Variants in OPCML observed in about 807,000 individuals in gnomAD.
OPCML encodes the protein opioid-binding protein/cell adhesion molecule.
A neutral mutation model predicts 37.8 loss-of-function variants in OPCML; 13 were observed. The ratio of observed to expected loss-of-function variants is 0.34; its 90% CI spans 0.22 to 0.55. The LOEUF is 0.55. Among genes scored for constraint, OPCML ranks in the 20% least tolerant of loss-of-function variants. The pLI is 0.91. For synonymous variants in OPCML, 176 were observed against 168.8 expected (o/e 1.04, Z -0.33); for missense variants, 341 against 435.6 (o/e 0.78, Z 1.93).
At chr11:133,050,504 G>C (rs1224776462) in intron 1 of OPCML, among the ~76,000 whole-genome samples, 1 of 152,092 alleles carries the variant, frequency 6.6e-6, no homozygotes, top group Non-Finnish European at 1.5e-5. Context: ...TGGGGGAGTG[G>C]TCTGATGAAA....
At chr11:133,033,823 T>G (rs1947716695) in intron 1 of OPCML, among the ~76,000 whole-genome samples, 1 of 152,228 alleles carries the variant, frequency 6.6e-6, no homozygotes, top group African/African-American at 2.4e-5. Context: ...TTTCTAATTA[T>G]GTGGTCACGG....
chr11:133,253,705 G>A (rs918272365), intron 1 of OPCML, among the ~76,000 whole-genome samples: 2 of 152,122 alleles, frequency 1.3e-5, no homozygotes, highest in African/African-American at 2.4e-5. Context: ...AAATGAATAA[G>A]CAAATAAACA....
chr11:133,178,141 A>G (rs1348608293), intron 1 of OPCML, among the ~76,000 whole-genome samples: 1 of 152,222 alleles, frequency 6.6e-6, no homozygotes, highest in African/African-American at 2.4e-5. Flanking sequence ...ACCAACACAC[A>G]AAGGCCATGC....
At chr11:133,001,414 T>G (rs73588513) in intron 1 of OPCML, among the ~76,000 whole-genome samples, 5,048 of 152,192 alleles carry the variant, frequency 0.033, 292 homozygotes, top group African/African-American at 0.12. Flanking sequence ...TCTCAGCAAA[T>G]GATAAAGAAG....
chr11:133,425,522 T>C (rs1019480602), intron 1 of OPCML, among the ~76,000 whole-genome samples: 5 of 152,188 alleles, frequency 3.3e-5, no homozygotes, highest in African/African-American at 4.8e-5. Context: ...AATTGCCAAA[T>C]GTTACATCTT....
At chr11:132,818,143 A>G (rs140046142) in intron 2 of OPCML, among the ~76,000 whole-genome samples, 93 of 152,310 alleles carry the variant, frequency 6.1e-4, no homozygotes, top group African/African-American at 2.1e-3. Context: ...GGGTCCAACC[A>G]TTCACAGATG....
At chr11:133,191,502 T>TGGGG (rs369470685) in intron 1 of OPCML, among the ~76,000 whole-genome samples, 1 of 119,184 alleles carries the variant, frequency 8.4e-6, no homozygotes, top group African/African-American at 3.2e-5. Flanking sequence ...TCTGTGTGTG[T>TGGGG]GGGTGTGTGT....
At chr11:133,153,343 G>A (rs924871491) in intron 1 of OPCML, among the ~76,000 whole-genome samples, 1 of 152,192 alleles carries the variant, frequency 6.6e-6, no homozygotes, top group Non-Finnish European at 1.5e-5. Flanking sequence ...TGCTCCACAG[G>A]AGAGCGAGTC....
chr11:133,510,724 G>T (rs1435609413), intron 1 of OPCML, among the ~76,000 whole-genome samples: 2 of 152,250 alleles, frequency 1.3e-5, no homozygotes, highest in African/African-American at 4.8e-5. Context: ...ACGTTACCAT[G>T]GATGAACTCG....
rs561955630 is a variant in OPCML, at chr11:133,251,907, G to C, written c.61+280357C>G. 2.4e-4 allele frequency among the ~76,000 whole-genome samples: 37 copies of C among 152,264 alleles called. No individual in the cohort carries two copies. In the South Asian group the frequency reaches 7.7e-3, roughly 31 times the overall value. ...TAAGATATTTCAGGCAGTGCAAAAT[G>C]CTGGGGTAGGTGAGTCCCATCCTTT... On this transcript the variant is annotated intron_variant, in intron 1 of 7. Coordinates refer to ENST00000524381, the MANE Select transcript of OPCML (RefSeq NM_001012393.5).
intron 1 of OPCML, among the ~76,000 whole-genome samples, chr11:133,483,953 TAGAC>T (rs201005794): frequency 0.025 from 3,716 of 149,066 alleles, 147 homozygotes; most frequent in African/African-American, 0.086. Flanking sequence ...GACAGATAGA[TAGAC>T]AGATTATATA....
chr11:132,851,053 C>G (rs1332896178), intron 2 of OPCML, among the ~76,000 whole-genome samples: 1 of 152,184 alleles, frequency 6.6e-6, no homozygotes, highest in Non-Finnish European at 1.5e-5. Context: ...TCTCACTCAC[C>G]TCTAATTGAA....
intron 4 of OPCML, among the ~76,000 whole-genome samples, chr11:132,497,095 CATGGA>C (rs2137100732): frequency 6.6e-6 from 1 of 152,214 alleles, no homozygotes; most frequent in East Asian, 1.9e-4. Context: ...TTTGCAGGGA[CATGGA>C]TGGAGCTGAA....
intron 4 of OPCML, among the ~76,000 whole-genome samples, chr11:132,495,886 C>T (rs1451109400): frequency 7.2e-6 from 1 of 138,626 alleles, no homozygotes; most frequent in African/African-American, 2.8e-5. Flanking sequence ...CAGAGTGAGA[C>T]TCCATCTCAA....
intron 2 of OPCML, among the ~76,000 whole-genome samples, chr11:132,727,351 T>C (rs910427414): frequency 6.6e-6 from 1 of 152,332 alleles, no homozygotes; most frequent in Admixed American, 6.5e-5. Flanking sequence ...GTTCCCATCC[T>C]CATTTCTCCC....
intron 1 of OPCML, among the ~76,000 whole-genome samples, chr11:133,319,647 T>A (rs563821189): frequency 6.6e-6 from 1 of 152,148 alleles, no homozygotes; most frequent in Non-Finnish European, 1.5e-5. Context: ...GTCTGCCACA[T>A]CTTCAATGGC....
At chr11:132,625,063 C>T (rs1342095539) in intron 3 of OPCML, among the ~76,000 whole-genome samples, 1 of 152,100 alleles carries the variant, frequency 6.6e-6, no homozygotes. Flanking sequence ...ATGTTTAAAC[C>T]TACTTTTCTA....
chr11:133,101,590 GAAC>G (rs1231048955), intron 1 of OPCML, among the ~76,000 whole-genome samples: 1 of 152,166 alleles, frequency 6.6e-6, no homozygotes, highest in Non-Finnish European at 1.5e-5. Context: ...ATGTGATATG[GAAC>G]AACAGAAACT....
chr11:133,205,500 C>T lies in OPCML; in HGVS notation c.62-262490G>A, dbSNP rs1939025730. Among the ~76,000 whole-genome samples, 1 of 152,200 alleles carries T rather than the reference C, an allele frequency of 6.6e-6. No homozygotes were observed. Among genetic ancestry groups the T allele is most frequent in the Non-Finnish European group, 1.5e-5 (1 of 68,044 alleles). ...CCAACCCAGGGCTTGCACCTAGCAC[C>T]TGAAGTGGGAGGCAGTGCTGTGGGC... is the stretch of plus-strand genomic sequence containing the variant. On this transcript the variant is annotated intron_variant, in intron 1 of 7. Coordinates refer to ENST00000524381, the MANE Select transcript of OPCML (RefSeq NM_001012393.5). The surrounding 1 kb of genome is among the most constrained non-coding windows in gnomAD (Gnocchi z 4.8).
Sources: allele counts gnomAD v4.1 joint callset (sites outside exome capture counted in the v4.1 genomes callset), GRCh38; gene constraint gnomAD v4.1.1; non-coding constraint Gnocchi (gnomAD v3.1); transcripts MANE v1.5; gene names NCBI Gene and HGNC (gene_info 2026-07-23, HGNC 2026-07-21).